Variants in IGF1R observed in about 807,000 individuals in gnomAD.
The protein encoded by IGF1R is insulin-like growth factor 1 receptor.
Under a neutral mutation model 144.6 loss-of-function variants are expected in IGF1R, and 44 were observed. The ratio of observed to expected loss-of-function variants is 0.30; its 90% CI spans 0.24 to 0.39. The LOEUF (loss-of-function observed/expected upper bound fraction) is 0.39, where lower values mean the gene tolerates loss of function less well. Among genes scored for constraint, IGF1R ranks in the 10% least tolerant of loss-of-function variants. The pLI is 1.00. For missense variants in IGF1R, 1,355 were observed against 1,833.7 expected (o/e 0.74, Z 4.77); for synonymous variants, 795 against 722.8 (o/e 1.10, Z -1.60).
rs1567214269 is a variant in IGF1R at position 98,943,201 on chromosome 15, T to C, written c.3587+149T>C. 1.8e-5 allele frequency: 16 copies of C among 900,584 alleles called. 1 individual carries two copies. Among genetic ancestry groups the C allele is most frequent in the African/African-American group, 3.3e-5 (2 of 60,978 alleles). 55.8% of individuals were successfully genotyped at this position (900,584 alleles called of 1,614,324 possible). On this transcript the variant is annotated intron_variant, in intron 19 of 20. Coordinates refer to ENST00000650285, the MANE Select transcript of IGF1R (RefSeq NM_000875.5). The stretch of plus-strand genomic sequence containing the variant: ...TTGTGTGAGCCACACTTCTTCATCA[T>C]TGAGGTGTTCCTGTTGTCAGTGGGC...
intron 2 of IGF1R, among the ~76,000 whole-genome samples, chr15:98,876,835 G>A (rs917584944): frequency 1.6e-4 from 24 of 152,296 alleles, no homozygotes; most frequent in African/African-American, 5.8e-4. Context: ...GGGATACTCT[G>A]TTCTGCTCTC....
intron 2 of IGF1R, among the ~76,000 whole-genome samples, chr15:98,858,009 A>T (rs955089132): frequency 6.6e-6 from 1 of 152,234 alleles, no homozygotes; most frequent in Non-Finnish European, 1.5e-5. Flanking sequence ...AAGTACTTGT[A>T]ATGACCTAAG....
rs558076173 is a variant in IGF1R, at chr15:98,824,563, G to A, written c.641-66762G>A. 9.2e-5 allele frequency among the ~76,000 whole-genome samples: 14 copies of A among 152,290 alleles called. 1 individual carries two copies. In the East Asian group the frequency reaches 2.5e-3, roughly 27 times the overall value. On this transcript the variant is annotated intron_variant, in intron 2 of 20. Transcript: ENST00000650285. ...CTCAGCTTTCCCCCAGGACACCTTG[G>A]CTTATCTTCTTGCTGCTTTCCAGAG...
At chr15:98,726,775 A>G (rs1197166173) in intron 2 of IGF1R, among the ~76,000 whole-genome samples, 3 of 138,230 alleles carry the variant, frequency 2.2e-5, no homozygotes, top group Admixed American at 7.9e-5. Flanking sequence ...GCTGGAGTGC[A>G]ATGGTGTGAT....
In IGF1R at chr15:98,902,982, C is replaced by T. The variant is rs76948072; in HGVS notation, c.1247+3361C>T. Among the ~76,000 whole-genome samples the T allele has an allele frequency of 4.4e-3, 669 of 152,226 alleles. 1 individual carries two copies. Among genetic ancestry groups the T allele is most frequent in the Non-Finnish European group, 6.8e-3 (465 of 68,014 alleles). On this transcript the variant is annotated intron_variant, in intron 5 of 20. Coordinates refer to ENST00000650285, the MANE Select transcript of IGF1R (RefSeq NM_000875.5). Reference sequence around the variant, plus strand: ...ACTCAGAGCCTGTTGACTTTTATATCGCACTCGGCGTGAGCTGATTTTGTA... The same window carrying T: ...ACTCAGAGCCTGTTGACTTTTATATTGCACTCGGCGTGAGCTGATTTTGTA...
intron 2 of IGF1R, among the ~76,000 whole-genome samples, chr15:98,794,667 C>T (rs1054487816): frequency 6.6e-6 from 1 of 152,168 alleles, no homozygotes; most frequent in Non-Finnish European, 1.5e-5. Context: ...CTACTGGAAA[C>T]TGCTGTACAA....
chr15:98,724,086 C>CT (rs903995842), intron 2 of IGF1R, among the ~76,000 whole-genome samples: 11 of 152,248 alleles, frequency 7.2e-5, no homozygotes, highest in African/African-American at 2.6e-4. Context: ...TCTTCTAGGA[C>CT]TTTATTTTGT....
At chr15:98,866,964 A>G (rs534705121) in intron 2 of IGF1R, among the ~76,000 whole-genome samples, 26 of 152,194 alleles carry the variant, frequency 1.7e-4, no homozygotes, top group Admixed American at 2.6e-4. Flanking sequence ...GCCAAGCACC[A>G]TTGCTACACT....
rs115362191 is a variant in IGF1R at position 98,683,802 on chromosome 15, G to T, written c.95-23760G>T. Reference sequence around the variant, plus strand: ...AGAAGCCAAGAAAGGGCACAAAGGCGTGGATATTTGGAAATCGGGACATAA... The same window carrying T: ...AGAAGCCAAGAAAGGGCACAAAGGCTTGGATATTTGGAAATCGGGACATAA... On this transcript the variant is annotated intron_variant, in intron 1 of 20. Transcript: ENST00000650285. Among the ~76,000 whole-genome samples the T allele has an allele frequency of 5.5e-3, 845 of 152,312 alleles. 6 individuals are homozygous for T. Among genetic ancestry groups the T allele is most frequent in the African/African-American group, 0.02 (813 of 41,556 alleles).
At chr15:98,882,041 G>A (rs943414331) in intron 2 of IGF1R, among the ~76,000 whole-genome samples, 1 of 152,194 alleles carries the variant, frequency 6.6e-6, no homozygotes, top group Non-Finnish European at 1.5e-5. Context: ...AGCTATGTTT[G>A]ATGATAGTTA....
chr15:98,924,130 C>G, intron 12 of IGF1R, 118 bp downstream of exon 12: 1 of 1,052,398 alleles, frequency 9.5e-7, no homozygotes, highest in Non-Finnish European at 1.5e-6. Context: ...AAAATCCATG[C>G]CAAGTTGGTG....
At chr15:98,651,098 G>C in intron 1 of IGF1R, 1 of 981,888 alleles carries the variant, frequency 1.0e-6, no homozygotes, top group Non-Finnish European at 1.2e-6. Flanking sequence ...AATGGTTGCC[G>C]AGGGTATGCA....
At chr15:98,698,185 C>G (rs1007971463) in intron 1 of IGF1R, among the ~76,000 whole-genome samples, 1 of 151,424 alleles carries the variant, frequency 6.6e-6, no homozygotes, top group Non-Finnish European at 1.5e-5. Context: ...ATTACAGGCG[C>G]CAGGCACCAT....
chr15:98,832,130 G>T (rs940450985), intron 2 of IGF1R, among the ~76,000 whole-genome samples: 1 of 151,988 alleles, frequency 6.6e-6, no homozygotes, highest in Admixed American at 6.6e-5. Flanking sequence ...TCTTCCTTTT[G>T]CCCCAAACTC....
chr15:98,747,606 A>G (rs1426280447), intron 2 of IGF1R, among the ~76,000 whole-genome samples: 1 of 152,208 alleles, frequency 6.6e-6, no homozygotes, highest in African/African-American at 2.4e-5. Flanking sequence ...AAGCAGAGGT[A>G]TGTGAGCATG....
chr15:98,932,666 C>T (rs184650561), intron 15 of IGF1R, among the ~76,000 whole-genome samples: 3 of 152,276 alleles, frequency 2.0e-5, no homozygotes, highest in Admixed American at 6.5e-5. Context: ...CTTTCTGAGG[C>T]GCATTGTGAA....
chr15:98,953,862 G>C (rs1048375394), intron 20 of IGF1R, among the ~76,000 whole-genome samples: 1 of 152,196 alleles, frequency 6.6e-6, no homozygotes, highest in Non-Finnish European at 1.5e-5. Flanking sequence ...TCGAGTGCTT[G>C]AGTGGGACCC....
chr15:98,924,528 C>G lies in IGF1R; in HGVS notation c.2626C>G (p.Gln876Glu). The G allele has an allele frequency of 1.9e-6, 3 of 1,614,128 alleles. No individual in the cohort carries two copies. In the East Asian group the frequency reaches 6.7e-5, roughly 36 times the overall value. ...CATGTATGTTTTATTTCCCCAGGAT[C>G]AGCGAGAATGTGTGTCCAGACAGGA... ...EIKYGSQVEDQRECVSRQEYR... is the reference protein window; with the variant it reads ...EIKYGSQVEDERECVSRQEYR... The change falls in exon 13 of 21, where the codon CAG becomes GAG. Residue 876 changes from glutamine to glutamate, a missense_variant. Physicochemically the swap from Gln to Glu is conservative, Grantham distance 29. Transcript: ENST00000650285.
intron 2 of IGF1R, among the ~76,000 whole-genome samples, chr15:98,816,709 G>T (rs1041937507): frequency 6.6e-6 from 1 of 152,158 alleles, no homozygotes; most frequent in Non-Finnish European, 1.5e-5. Context: ...ATAGCTACTC[G>T]CTGTGGATAT....
Sources: gnomAD v4.1 joint callset for allele counts (sites outside exome capture counted in the v4.1 genomes callset) on GRCh38, gnomAD v4.1.1 for gene constraint, MANE v1.5 for transcripts, NCBI Gene and HGNC (gene_info 2026-07-23, HGNC 2026-07-21) for gene names.